CADM2: variants seen among roughly 807,000 people sequenced by gnomAD.
The protein encoded by CADM2 is immunoglobulin superfamily member 4D.
CADM2 carries 12 observed loss-of-function variants against 49.8 expected under a neutral mutation model. The observed-to-expected ratio is 0.24, with a 90% CI of 0.15 to 0.39. The LOEUF (loss-of-function observed/expected upper bound fraction) is 0.39. Ranked by LOEUF, CADM2 falls within the 10% of genes least tolerant of loss-of-function variation. The probability of loss-of-function intolerance (pLI) is 1.00; values close to 1 mark genes in which losing one functional copy is unlikely to be tolerated. For missense variants in CADM2, 378 were observed against 492.3 expected, an observed-to-expected ratio of 0.77 and a Z score of 2.20; for synonymous variants, 214 against 175.4, an observed-to-expected ratio of 1.22 and a Z score of -1.74.
intron 1 of CADM2, among the ~76,000 whole-genome samples, chr3:85,117,539 G>T (rs1019892075): frequency 1.3e-5 from 2 of 152,016 alleles, no homozygotes; most frequent in Non-Finnish European, 2.9e-5. Flanking sequence ...ATAAGCCTCA[G>T]GGTGTTTTGA....
In CADM2 at chr3:85,108,827, A is replaced by G. The variant is rs113650004; in HGVS notation, c.61+149159A>G. Among the ~76,000 whole-genome samples the G allele has an allele frequency of 4.3e-3, 653 of 152,252 alleles. 3 individuals carry two copies. The highest frequency in any genetic ancestry group is 0.014 in the African/African-American group (579 of 41,560). On this transcript the variant is annotated intron_variant, in intron 1 of 9. Coordinates refer to ENST00000383699, the MANE Select transcript of CADM2 (RefSeq NM_001167675.2). ...AGTTAAGGAGTATTAAAACAAAACAACAAGGAAAAAGTGATTAGGATGTAT... is the reference window on the plus strand; with the variant it reads ...AGTTAAGGAGTATTAAAACAAAACAGCAAGGAAAAAGTGATTAGGATGTAT...
chr3:85,879,963 A>T (rs1712495744), intron 3 of CADM2, among the ~76,000 whole-genome samples: 1 of 152,114 alleles, frequency 6.6e-6, no homozygotes, highest in Non-Finnish European at 1.5e-5. Flanking sequence ...AACCACAGGG[A>T]TTCCTTCTTC....
intron 1 of CADM2, among the ~76,000 whole-genome samples, chr3:85,276,061 T>A (rs1000787361): frequency 6.6e-6 from 1 of 151,390 alleles, no homozygotes; most frequent in African/African-American, 2.4e-5. Context: ...AAGATGCTTA[T>A]TATGAAATGA....
At chr3:85,855,144 C>T (rs948464953) in intron 3 of CADM2, among the ~76,000 whole-genome samples, 2 of 152,086 alleles carry the variant, frequency 1.3e-5, no homozygotes, top group Admixed American at 6.6e-5. Flanking sequence ...CAGTTTTGTC[C>T]CATCTGTTAC....
chr3:85,021,691 C>T (rs1316144604), intron 1 of CADM2, among the ~76,000 whole-genome samples: 1 of 152,108 alleles, frequency 6.6e-6, no homozygotes, highest in African/African-American at 2.4e-5. Flanking sequence ...AGGAGAATCG[C>T]TTGAACCCAG....
intron 5 of CADM2, among the ~76,000 whole-genome samples, chr3:85,908,770 G>A (rs1366884536): frequency 6.6e-6 from 1 of 151,146 alleles, no homozygotes. Context: ...TGTCACCCAG[G>A]CTGGAGTGCA....
At chr3:86,026,117 G>T (rs1348446053) in intron 8 of CADM2, among the ~76,000 whole-genome samples, 1 of 152,090 alleles carries the variant, frequency 6.6e-6, no homozygotes, top group Non-Finnish European at 1.5e-5. Context: ...TTAAGTTGGG[G>T]GATGCTCTTC....
At chr3:85,247,222 A>G (rs145205843) in intron 1 of CADM2, among the ~76,000 whole-genome samples, 263 of 152,276 alleles carry the variant, frequency 1.7e-3, no homozygotes, top group African/African-American at 5.8e-3. Flanking sequence ...TCACATTAAC[A>G]CAAAATACTG....
intron 5 of CADM2, among the ~76,000 whole-genome samples, chr3:85,909,401 AATATAT>A (rs59251646): frequency 2.0e-5 from 3 of 147,320 alleles, no homozygotes; most frequent in Non-Finnish European, 1.5e-5. Context: ...TGTAAAATGA[AATATAT>A]ATATATATAT....
intron 1 of CADM2, among the ~76,000 whole-genome samples, chr3:85,481,265 A>G (rs1320037816): frequency 6.7e-6 from 1 of 148,192 alleles, no homozygotes; most frequent in Non-Finnish European, 1.5e-5. Flanking sequence ...ATCACAATCA[A>G]TCAACAGTGT....
chr3:85,373,120 G>A (rs1401975675), intron 1 of CADM2, among the ~76,000 whole-genome samples: 1 of 152,086 alleles, frequency 6.6e-6, no homozygotes, highest in Non-Finnish European at 1.5e-5. Flanking sequence ...TAACTCAAAA[G>A]TCCACAGCCC....
intron 1 of CADM2, among the ~76,000 whole-genome samples, chr3:85,310,111 C>G (rs1160080423): frequency 1.3e-5 from 2 of 152,146 alleles, no homozygotes; most frequent in African/African-American, 4.8e-5. Flanking sequence ...TAGAAGATGC[C>G]TTTCACATGT....
At chr3:85,473,783 G>A (rs1400466498) in intron 1 of CADM2, among the ~76,000 whole-genome samples, 1 of 152,020 alleles carries the variant, frequency 6.6e-6, no homozygotes, top group African/African-American at 2.4e-5. Context: ...TGTTACTATT[G>A]TAGGTTCATA....
intron 1 of CADM2, among the ~76,000 whole-genome samples, chr3:85,024,119 A>G (rs188441328): frequency 2.6e-5 from 4 of 152,222 alleles, no homozygotes; most frequent in South Asian, 2.1e-4. Flanking sequence ...GGAGTGCTCT[A>G]TTGACACAAG....
intron 1 of CADM2, among the ~76,000 whole-genome samples, chr3:85,607,540 A>G (rs1449959611): frequency 6.6e-6 from 1 of 152,194 alleles, no homozygotes; most frequent in Non-Finnish European, 1.5e-5. Flanking sequence ...AACTAGTGAG[A>G]AATGCTTGAG....
At chr3:85,011,730 T>A (rs181385135) in intron 1 of CADM2, among the ~76,000 whole-genome samples, 1 of 152,062 alleles carries the variant, frequency 6.6e-6, no homozygotes, top group Admixed American at 6.5e-5. Context: ...AATTTTTTTT[T>A]TTTAAGTTAG....
At chr3:85,835,654 T>A (rs1360422819) in intron 3 of CADM2, among the ~76,000 whole-genome samples, 2 of 150,280 alleles carry the variant, frequency 1.3e-5, no homozygotes, top group Non-Finnish European at 3.0e-5. Flanking sequence ...GCACTTTAAT[T>A]CCCAAAGGGC....
chr3:85,082,587 T>C (rs2037206773), intron 1 of CADM2, among the ~76,000 whole-genome samples: 1 of 152,118 alleles, frequency 6.6e-6, no homozygotes, highest in African/African-American at 2.4e-5. Context: ...ACTGAATACA[T>C]TTCTTGACCT....
At chr3:85,413,780 G>A (rs900965953) in intron 1 of CADM2, among the ~76,000 whole-genome samples, 4 of 152,158 alleles carry the variant, frequency 2.6e-5, no homozygotes, top group Non-Finnish European at 5.9e-5. Context: ...AAATTTGGGT[G>A]GGGACACAGA....
Sources: gnomAD v4.1 joint callset for allele counts (sites outside exome capture counted in the v4.1 genomes callset) on GRCh38, gnomAD v4.1.1 for gene constraint, MANE v1.5 for transcripts, NCBI Gene and HGNC (gene_info 2026-07-23, HGNC 2026-07-21) for gene names.